The following RAVER2 variants were observed in gnomAD, a reference collection of about 807,000 sequenced individuals.
RAVER2 encodes ribonucleoprotein, PTB binding 2.
Under a neutral mutation model 78.1 loss-of-function variants are expected in RAVER2, and 46 were observed. The observed-to-expected ratio is 0.59, with a 90% CI of 0.46 to 0.75. The LOEUF (loss-of-function observed/expected upper bound fraction) is 0.75. Ranked by LOEUF, RAVER2 falls within the 30% of genes least tolerant of loss-of-function variation. The probability of loss-of-function intolerance (pLI) is 0.00; values close to 1 mark genes in which losing one functional copy is unlikely to be tolerated. For synonymous variants in RAVER2, 311 were observed against 313.3 expected (o/e 0.99, Z 0.08); for missense variants, 793 against 837.5 (o/e 0.95, Z 0.66).
chr1:64,776,181 CAG>C (rs915029107), intron 2 of RAVER2, among the ~76,000 whole-genome samples: 1 of 151,828 alleles, frequency 6.6e-6, no homozygotes, highest in Non-Finnish European at 1.5e-5. Context: ...TTTAGGGAAA[CAG>C]AATTAAATTG....
At chr1:64,773,266 C>A (rs948553001) in intron 2 of RAVER2, among the ~76,000 whole-genome samples, 1 of 152,010 alleles carries the variant, frequency 6.6e-6, no homozygotes, top group Non-Finnish European at 1.5e-5. Flanking sequence ...TATACATGTG[C>A]CATGGTGGTT....
chr1:64,817,386 A>G (rs1653780492), intron 11 of RAVER2, among the ~76,000 whole-genome samples: 1 of 152,218 alleles, frequency 6.6e-6, no homozygotes, highest in African/African-American at 2.4e-5. Context: ...CATTTGACCC[A>G]GCCATCCCAT....
chr1:64,832,519 C>A (rs759598407), exon 12 of RAVER2: 4 of 152,172 alleles, frequency 2.6e-5, no homozygotes, highest in African/African-American at 4.8e-5. Flanking sequence ...GATCTCAATC[C>A]GGGGCTTTTT....
At chr1:64,763,874 G>C (rs1349746242) in intron 1 of RAVER2, among the ~76,000 whole-genome samples, 2 of 150,806 alleles carry the variant, frequency 1.3e-5, no homozygotes, top group Admixed American at 6.6e-5. Flanking sequence ...TTGCACTCCA[G>C]CCTGGACGAC....
intron 11 of RAVER2, among the ~76,000 whole-genome samples, chr1:64,827,315 A>C (rs1269411459): frequency 6.6e-6 from 1 of 151,532 alleles, no homozygotes; most frequent in Admixed American, 6.6e-5. Context: ...ATAGTCACTT[A>C]GGGGAGTGGA....
intron 11 of RAVER2, among the ~76,000 whole-genome samples, chr1:64,827,967 C>T (rs1209585629): frequency 1.3e-5 from 2 of 152,202 alleles, no homozygotes; most frequent in East Asian, 1.9e-4. Flanking sequence ...TCATTTGCCA[C>T]TGCCCTCTTC....
At chr1:64,776,315 T>C (rs1352080715) in intron 2 of RAVER2, among the ~76,000 whole-genome samples, 1 of 152,220 alleles carries the variant, frequency 6.6e-6, no homozygotes, top group African/African-American at 2.4e-5. Context: ...TCTCATTTTT[T>C]GGAAGAGATG....
chr1:64,812,449 T>C (rs931420945), intron 9 of RAVER2, among the ~76,000 whole-genome samples: 2 of 151,238 alleles, frequency 1.3e-5, no homozygotes, highest in Non-Finnish European at 2.9e-5. Context: ...AAAAGAGATA[T>C]GGAATTTGGT....
At chr1:64,811,587 A>G (rs984022962) in intron 9 of RAVER2, among the ~76,000 whole-genome samples, 7 of 152,230 alleles carry the variant, frequency 4.6e-5, no homozygotes, top group African/African-American at 1.4e-4. Context: ...GATGTAATTT[A>G]TGGTATTGAT....
At chr1:64,823,802 A>ATTTT (rs759134955) in intron 11 of RAVER2, among the ~76,000 whole-genome samples, 34 of 122,846 alleles carry the variant, frequency 2.8e-4, no homozygotes, top group Non-Finnish European at 3.5e-4. Context: ...GTAAGTTGTG[A>ATTTT]TTTTTTTTTT....
At chr1:64,794,259 G>A (rs1292606676) in intron 5 of RAVER2, among the ~76,000 whole-genome samples, 1 of 151,970 alleles carries the variant, frequency 6.6e-6, no homozygotes, top group Non-Finnish European at 1.5e-5. Flanking sequence ...TTAGCCGGGC[G>A]TGGTGGTGGG....
rs183153322 is a variant in RAVER2 at position 64,817,751 on chromosome 1, C to T, written c.1929+2911C>T. On this transcript the variant is annotated intron_variant, in intron 11 of 11. Transcript: ENST00000294428. ...GGGAACGTCACACACTGGGGCCTGT[C>T]GTGGGGTGGGGGGAGGGGCAGGGAT... 4.5e-4 allele frequency among the ~76,000 whole-genome samples: 47 copies of T among 103,738 alleles called. No homozygotes were observed. In the East Asian group the frequency reaches 0.01, roughly 23 times the overall value. 68.1% of individuals were successfully genotyped at this position (103,738 alleles called of 152,430 possible).
intron 1 of RAVER2, among the ~76,000 whole-genome samples, chr1:64,749,135 A>C (rs1651624699): frequency 6.6e-6 from 1 of 151,736 alleles, no homozygotes; most frequent in African/African-American, 2.4e-5. Flanking sequence ...CACTGCACCC[A>C]GCCATCAGTC....
chr1:64,803,507 T>C (rs1653327898), intron 6 of RAVER2, among the ~76,000 whole-genome samples: 1 of 152,260 alleles, frequency 6.6e-6, no homozygotes, highest in Non-Finnish European at 1.5e-5. Flanking sequence ...ATAAATATTT[T>C]AAATGTGTGT....
chr1:64,827,583 A>T (rs1189248734), intron 11 of RAVER2, among the ~76,000 whole-genome samples: 1 of 152,174 alleles, frequency 6.6e-6, no homozygotes, highest in African/African-American at 2.4e-5. Flanking sequence ...GACATGTAAA[A>T]CTAGAATATT....
chr1:64,811,120 T>C (rs1653591834), intron 9 of RAVER2, among the ~76,000 whole-genome samples: 1 of 152,190 alleles, frequency 6.6e-6, no homozygotes, highest in African/African-American at 2.4e-5. Context: ...CATGGCACCA[T>C]TCACAGTCAA....
intron 11 of RAVER2, among the ~76,000 whole-genome samples, chr1:64,827,351 A>C (rs753858831): frequency 7.9e-5 from 12 of 152,118 alleles, no homozygotes; most frequent in Non-Finnish European, 1.5e-4. Context: ...TAGGGTGGGG[A>C]TATAGTAGGA....
intron 11 of RAVER2, among the ~76,000 whole-genome samples, chr1:64,823,419 TAAATC>T (rs887561828): frequency 6.6e-6 from 1 of 152,180 alleles, no homozygotes; most frequent in Admixed American, 6.6e-5. Context: ...TGGGAAAACT[TAAATC>T]AGAAATAAAT....
In RAVER2 at chr1:64,831,275, A is replaced by G. The variant is rs41285402; in HGVS notation, c.*290A>G. On this transcript the variant is annotated 3_prime_UTR_variant, in exon 12 of 12. Coordinates refer to ENST00000294428, the Ensembl canonical transcript of RAVER2. ...AATATTCCTTGATTTAGGACTGGGA[A>G]TAATTCTGACACCATATATAAAAGA... The G allele has an allele frequency of 4.4e-3, 1,008 of 227,192 alleles. 3 individuals carry two copies. The highest frequency in any genetic ancestry group is 6.6e-3 in the Non-Finnish European group (780 of 117,728). 14.1% of individuals were successfully genotyped at this position (227,192 alleles called of 1,614,324 possible). A position where few individuals can be genotyped will look rare whatever the true frequency, so the allele number is the denominator to read the frequency against.
Sources: gnomAD v4.1 joint callset for allele counts (sites outside exome capture counted in the v4.1 genomes callset) on GRCh38, gnomAD v4.1.1 for gene constraint, MANE v1.5 for transcripts, NCBI Gene and HGNC (gene_info 2026-07-23, HGNC 2026-07-21) for gene names.